Variants in AKAP6 observed in about 807,000 individuals in gnomAD.
AKAP6 encodes the protein A-kinase anchor protein 6.
AKAP6 carries 58 observed loss-of-function variants against 188.5 expected under a neutral mutation model. That is an observed-to-expected ratio of 0.31 (90% confidence interval 0.25 to 0.38). AKAP6 has a LOEUF of 0.38. Ranked by LOEUF, AKAP6 falls within the 10% of genes least tolerant of loss-of-function variation. The probability of loss-of-function intolerance (pLI) is 1.00; values close to 1 mark genes in which losing one functional copy is unlikely to be tolerated. For synonymous variants in AKAP6, 989 were observed against 998.6 expected, an observed-to-expected ratio of 0.99 and a Z score of 0.18; for missense variants, 2,710 against 2,740.0, an observed-to-expected ratio of 0.99 and a Z score of 0.24.
At chr14:32,520,779 C>G (rs574499997) in intron 2 of AKAP6, among the ~76,000 whole-genome samples, 3 of 152,226 alleles carry the variant, frequency 2.0e-5, no homozygotes, top group Admixed American at 6.5e-5. Flanking sequence ...AGTGGAGCTG[C>G]TACCATTCCT....
Position 32,579,587 on chromosome 14 carries a change from G to T in AKAP6, c.2469+2345G>T, listed in dbSNP as rs78902977. On this transcript the variant is annotated intron_variant, in intron 5 of 13. Coordinates refer to ENST00000280979, the MANE Select transcript of AKAP6 (RefSeq NM_004274.5). ...TGCCACTGAATGATATTCTTAAAGC[G>T]CAATCAAGAGCTACTGTTACACTGG... 2.6e-5 allele frequency among the ~76,000 whole-genome samples: 4 copies of T among 152,084 alleles called. No individual in the cohort carries two copies. The South Asian group carries it at 6.2e-4, about 24-fold the overall frequency.
chr14:32,726,757 A>G (rs2030894473), intron 9 of AKAP6, among the ~76,000 whole-genome samples: 1 of 152,228 alleles, frequency 6.6e-6, no homozygotes, highest in African/African-American at 2.4e-5. Flanking sequence ...ATTGTCTACC[A>G]TTTAGGTTAC....
At chr14:32,819,825 G>T (rs985880292) in intron 12 of AKAP6, among the ~76,000 whole-genome samples, 1 of 152,060 alleles carries the variant, frequency 6.6e-6, no homozygotes, top group African/African-American at 2.4e-5. Context: ...GCACGCACCT[G>T]TAGTCCCAGA....
chr14:32,405,484 A>G (rs963045262), intron 1 of AKAP6, among the ~76,000 whole-genome samples: 2 of 152,184 alleles, frequency 1.3e-5, no homozygotes, highest in Non-Finnish European at 2.9e-5. Context: ...TTGGTAAAAT[A>G]TTTCATGTAT....
At chr14:32,801,514 GTTAAT>G (rs907717745) in intron 12 of AKAP6, among the ~76,000 whole-genome samples, 12 of 152,110 alleles carry the variant, frequency 7.9e-5, no homozygotes, top group African/African-American at 2.9e-4. Context: ...TGTTACTACT[GTTAAT>G]TTAAACAGTT....
At chr14:32,481,723 C>G (rs1045338754) in intron 2 of AKAP6, among the ~76,000 whole-genome samples, 1 of 152,134 alleles carries the variant, frequency 6.6e-6, no homozygotes, top group Non-Finnish European at 1.5e-5. Flanking sequence ...GGTGGGGACA[C>G]AGCAAAACCA....
intron 1 of AKAP6, among the ~76,000 whole-genome samples, chr14:32,375,672 G>C (rs945593305): frequency 1.3e-5 from 2 of 152,160 alleles, no homozygotes; most frequent in Admixed American, 6.5e-5. Context: ...ATGATAAGTA[G>C]TTTATATTCA....
Position 32,464,238 on chromosome 14 carries a change from A to G in AKAP6, c.324+30421A>G, listed in dbSNP as rs910830712. Among the ~76,000 whole-genome samples the G allele has an allele frequency of 2.8e-3, 424 of 152,306 alleles. 9 individuals are homozygous for G. The highest frequency in any genetic ancestry group is 7.7e-4 in the East Asian group (4 of 5,192). On this transcript the variant is annotated intron_variant, in intron 2 of 13. Coordinates refer to ENST00000280979, the MANE Select transcript of AKAP6 (RefSeq NM_004274.5). ...AAAAAGAGGGAATCCTCGCTAACTC[A>G]TTTTATGAGGCCAGCATCATCCTGA...
Position 32,576,392 on chromosome 14 carries a change from T to G in AKAP6, c.2347-728T>G, listed in dbSNP as rs10467755. On this transcript the variant is annotated intron_variant, in intron 4 of 13. Coordinates refer to ENST00000280979, the MANE Select transcript of AKAP6 (RefSeq NM_004274.5). ...AAAATATTTTCTGTTTCTACAGATG[T>G]ATACTTCTAAATGGCCAATAAAATT... is the stretch of plus-strand genomic sequence containing the variant. Among the ~76,000 whole-genome samples, 1,019 of 152,318 alleles carry G rather than the reference T, an allele frequency of 6.7e-3. 11 individuals are homozygous for G. Among genetic ancestry groups the G allele is most frequent in the African/African-American group, 0.023 (949 of 41,580 alleles).
chr14:32,412,451 G>A (rs879456370), intron 1 of AKAP6, among the ~76,000 whole-genome samples: 12 of 152,244 alleles, frequency 7.9e-5, no homozygotes, highest in Middle Eastern at 3.4e-3. Context: ...TTGGACATAC[G>A]TCATAATTTT....
At chr14:32,517,708 G>T (rs935505462) in intron 2 of AKAP6, among the ~76,000 whole-genome samples, 3 of 152,226 alleles carry the variant, frequency 2.0e-5, no homozygotes, top group Non-Finnish European at 4.4e-5. Context: ...AGCTCGAACT[G>T]GGTGGAGCCC....
At chr14:32,437,884 C>T (rs943778711) in intron 2 of AKAP6, among the ~76,000 whole-genome samples, 1 of 151,836 alleles carries the variant, frequency 6.6e-6, no homozygotes, top group African/African-American at 2.4e-5. Flanking sequence ...ACAGGCGTGG[C>T]CTTTATTATT....
chr14:32,419,250 A>G (rs1210546169), intron 1 of AKAP6, among the ~76,000 whole-genome samples: 2 of 152,216 alleles, frequency 1.3e-5, no homozygotes, highest in African/African-American at 4.8e-5. Flanking sequence ...ATCTCTGGAT[A>G]TTAACAGCCC....
rs751103638 is a variant in AKAP6, at chr14:32,824,788, C to T, written c.*15C>T. 37 of 1,597,452 alleles carry T rather than the reference C, an allele frequency of 2.3e-5. No homozygotes were observed. The highest frequency in any genetic ancestry group is 3.1e-5 in the Non-Finnish European group (36 of 1,173,414). ...TGCATAGGTAGAATGTACCCCCTCC[C>T]CAAGCATGAAAATCATCTCACTGAA... On this transcript the variant is annotated 3_prime_UTR_variant, in exon 13 of 14. Coordinates refer to ENST00000280979, the MANE Select transcript of AKAP6 (RefSeq NM_004274.5).
rs1200402936 is a variant in AKAP6, at chr14:32,535,803, G to A, written c.574G>A (p.Glu192Lys). Residue 192 changes from glutamate (E) to lysine (K), a missense_variant and splice_region_variant, in exon 3 of 14, where the codon GAG becomes AAG. Coordinates refer to ENST00000280979, the MANE Select transcript of AKAP6 (RefSeq NM_004274.5). ...ILQAFSEETK[E>K]GRLDSLTEVD... ...GCAAGCTTTCTCTGAAGAGACAAAA[G>A]AGGTGAGTGTTTTCCTTGAAGTTAA... 12 of 1,608,718 alleles carry A rather than the reference G, an allele frequency of 7.5e-6. No homozygotes were observed. The highest frequency in any genetic ancestry group is 9.4e-6 in the Non-Finnish European group (11 of 1,176,110).
At chr14:32,513,405 T>G (rs774617756) in intron 2 of AKAP6, among the ~76,000 whole-genome samples, 1 of 152,188 alleles carries the variant, frequency 6.6e-6, no homozygotes, top group Non-Finnish European at 1.5e-5. Context: ...GAATTAATGA[T>G]ATGTTATTTA....
chr14:32,506,855 CA>C (rs1266414421), intron 2 of AKAP6, among the ~76,000 whole-genome samples: 1 of 151,998 alleles, frequency 6.6e-6, no homozygotes, highest in East Asian at 1.9e-4. Flanking sequence ...TCTTTTACCT[CA>C]AAAAAATTGC....
At chr14:32,726,501 TTATAC>T (rs2030881461) in intron 9 of AKAP6, among the ~76,000 whole-genome samples, 1 of 152,244 alleles carries the variant, frequency 6.6e-6, no homozygotes, top group African/African-American at 2.4e-5. Flanking sequence ...TGCCGTAATT[TTATAC>T]TTGTGTTATT....
intron 7 of AKAP6, 30 bp from the exon 8 acceptor site, chr14:32,678,281 A>G: frequency 6.3e-7 from 1 of 1,593,044 alleles, no homozygotes. Flanking sequence ...CTGGATTAAA[A>G]CAGCAATTTC....
Sources: allele counts gnomAD v4.1 joint callset (sites outside exome capture counted in the v4.1 genomes callset), GRCh38; gene constraint gnomAD v4.1.1; transcripts MANE v1.5; gene names NCBI Gene and HGNC (gene_info 2026-07-23, HGNC 2026-07-21).